The following ZNF407 variants were observed in gnomAD, a reference collection of about 807,000 sequenced individuals.
The protein encoded by ZNF407 is zinc finger protein 407.
Under a neutral mutation model 131.2 loss-of-function variants are expected in ZNF407, and 17 were observed. That is an observed-to-expected ratio of 0.13 (90% confidence interval 0.09 to 0.19). The LOEUF is 0.19. Ranked by LOEUF, ZNF407 falls within the 10% of genes least tolerant of loss-of-function variation. The pLI is 1.00. For missense variants in ZNF407, 2,681 were observed against 2,830.6 expected (o/e 0.95, Z 1.20); for synonymous variants, 1,156 against 1,062.0 (o/e 1.09, Z -1.72).
chr18:74,687,689 G>T (rs1967127478), intron 3 of ZNF407, among the ~76,000 whole-genome samples: 1 of 152,058 alleles, frequency 6.6e-6, no homozygotes, highest in East Asian at 1.9e-4. Flanking sequence ...CTAATGGTCA[G>T]CATAACTCAA....
At chr18:74,658,794 C>T (rs970199024) in intron 3 of ZNF407, among the ~76,000 whole-genome samples, 3 of 152,028 alleles carry the variant, frequency 2.0e-5, no homozygotes, top group Non-Finnish European at 2.9e-5. Flanking sequence ...TTGGAGTGTT[C>T]TCATAAAACC....
intron 4 of ZNF407, among the ~76,000 whole-genome samples, chr18:74,810,390 G>C (rs1040148456): frequency 5.3e-5 from 8 of 151,410 alleles, no homozygotes; most frequent in Non-Finnish European, 1.2e-4. Context: ...CTCACCACTT[G>C]ATGTACTGAA....
chr18:74,937,494 A>G (rs768792884), intron 8 of ZNF407, among the ~76,000 whole-genome samples: 4 of 152,198 alleles, frequency 2.6e-5, no homozygotes, highest in Non-Finnish European at 4.4e-5. Flanking sequence ...TGACAGTGTT[A>G]TATGTGCTGC....
intron 1 of ZNF407, among the ~76,000 whole-genome samples, chr18:74,616,498 G>A (rs1017472964): frequency 2.4e-4 from 37 of 151,738 alleles, no homozygotes; most frequent in Non-Finnish European, 4.3e-4. Context: ...TGTTGTAGAG[G>A]TCTTTGTAAG....
intron 1 of ZNF407, among the ~76,000 whole-genome samples, chr18:74,628,413 C>T (rs1286447537): frequency 1.3e-5 from 2 of 152,084 alleles, no homozygotes; most frequent in African/African-American, 2.4e-5. Flanking sequence ...TGCCTGCCTA[C>T]CCGCAGCCCT....
intron 4 of ZNF407, among the ~76,000 whole-genome samples, chr18:74,843,414 A>G (rs1027791786): frequency 2.6e-5 from 4 of 152,056 alleles, no homozygotes; most frequent in Non-Finnish European, 4.4e-5. Context: ...TCCAGTGGAG[A>G]CATATATATA....
At chr18:74,701,553 C>T (rs576110411) in intron 3 of ZNF407, among the ~76,000 whole-genome samples, 1 of 152,246 alleles carries the variant, frequency 6.6e-6, no homozygotes, top group South Asian at 2.1e-4. Flanking sequence ...CAGAAAGCTT[C>T]TCTTGCTTCC....
intron 4 of ZNF407, among the ~76,000 whole-genome samples, chr18:74,799,164 G>T: frequency 6.6e-6 from 1 of 152,216 alleles, no homozygotes; most frequent in East Asian, 1.9e-4. Context: ...ACTGTTCAAA[G>T]AAATTACTTA....
At chr18:74,937,718 CA>C (rs1331382257) in intron 8 of ZNF407, among the ~76,000 whole-genome samples, 3 of 152,058 alleles carry the variant, frequency 2.0e-5, no homozygotes, top group East Asian at 3.8e-4. Context: ...ATATGTCTAC[CA>C]TATTTTATAC....
intron 8 of ZNF407, among the ~76,000 whole-genome samples, chr18:74,993,025 C>G (rs963554213): frequency 6.6e-5 from 10 of 152,092 alleles, no homozygotes; most frequent in African/African-American, 2.4e-4. Flanking sequence ...TTGGGCATTG[C>G]TGGTAGTACT....
chr18:74,656,110 C>T (rs966027690), intron 3 of ZNF407, among the ~76,000 whole-genome samples: 8 of 151,778 alleles, frequency 5.3e-5, no homozygotes, highest in African/African-American at 1.9e-4. Context: ...ATAATAGAGG[C>T]AGATTAGGAA....
intron 3 of ZNF407, among the ~76,000 whole-genome samples, chr18:74,766,279 G>A (rs1416474849): frequency 6.6e-6 from 1 of 152,224 alleles, no homozygotes; most frequent in Non-Finnish European, 1.5e-5. Flanking sequence ...ACAGGCATGA[G>A]TGGGAGCTCA....
chr18:75,012,870 C>T (rs1972996635), intron 8 of ZNF407, among the ~76,000 whole-genome samples: 1 of 151,042 alleles, frequency 6.6e-6, no homozygotes. Context: ...CTACTGGCTC[C>T]TTAGAGAGGT....
intron 5 of ZNF407, among the ~76,000 whole-genome samples, chr18:74,880,404 G>A (rs780516282): frequency 3.3e-5 from 5 of 152,196 alleles, no homozygotes; most frequent in Non-Finnish European, 5.9e-5. Context: ...AATTTCTGTA[G>A]CAATCCCTAG....
chr18:74,632,549 C>A lies in ZNF407; in HGVS notation c.1530C>A (p.Asp510Glu), dbSNP rs373519575. ...GCCAGGGGAGTGCCCGTCCTCCGGACTCCGGGCTGCATTCCCTGACAGTGA... is the reference window on the plus strand; with the variant it reads ...GCCAGGGGAGTGCCCGTCCTCCGGAATCCGGGCTGCATTCCCTGACAGTGA... ...EQGQGSARPP[D>E]SGLHSLTVKP... Residue 510 changes from aspartate to glutamate, a missense_variant, in exon 2 of 9, where the codon GAC (aspartate) becomes GAA (glutamate). By Grantham distance (45) the Asp-to-Glu change is conservative. Coordinates refer to ENST00000299687, the MANE Select transcript of ZNF407 (RefSeq NM_017757.3). 6.2e-7 allele frequency: 1 copy of A among 1,614,042 alleles called. No individual in the cohort carries two copies. The highest frequency in any genetic ancestry group is 1.3e-5 in the African/African-American group (1 of 75,074).
At chr18:74,727,672 A>C (rs993086833) in intron 3 of ZNF407, among the ~76,000 whole-genome samples, 2 of 152,198 alleles carry the variant, frequency 1.3e-5, no homozygotes, top group Non-Finnish European at 2.9e-5. Context: ...CCTTCCCCGA[A>C]TATATGTTAG....
At chr18:74,602,323 A>G (rs1982620566) in intron 1 of ZNF407, among the ~76,000 whole-genome samples, 1 of 152,220 alleles carries the variant, frequency 6.6e-6, no homozygotes, top group South Asian at 2.1e-4. Flanking sequence ...ATGGTCTCCA[A>G]CATTGTCTTC....
chr18:75,044,520 T>C (rs1973410366), intron 8 of ZNF407, among the ~76,000 whole-genome samples: 1 of 152,124 alleles, frequency 6.6e-6, no homozygotes, highest in African/African-American at 2.4e-5. Flanking sequence ...TTTTGTTCTT[T>C]CGTTATGTCT....
At chr18:74,977,504 A>C (rs930353037) in intron 8 of ZNF407, among the ~76,000 whole-genome samples, 1 of 152,272 alleles carries the variant, frequency 6.6e-6, no homozygotes, top group African/African-American at 2.4e-5. Context: ...TTTCACATCA[A>C]AGATGGCTCA....
Sources: allele counts gnomAD v4.1 joint callset (sites outside exome capture counted in the v4.1 genomes callset), GRCh38; gene constraint gnomAD v4.1.1; transcripts MANE v1.5; gene names NCBI Gene and HGNC (gene_info 2026-07-23, HGNC 2026-07-21).